Variants in SOX5 observed in about 807,000 individuals in gnomAD.
SOX5 encodes SRY-box transcription factor 5, also known as transcription factor SOX-5.
SOX5 carries 9 observed loss-of-function variants against 92.0 expected under a neutral mutation model. The observed-to-expected ratio is 0.10, with a 90% CI of 0.06 to 0.17. The LOEUF is 0.17. Among genes scored for constraint, SOX5 ranks in the 10% least tolerant of loss-of-function variants. The pLI, the probability that SOX5 is intolerant of heterozygous loss-of-function variation, is 1.00. For synonymous variants in SOX5, 344 were observed against 336.3 expected (o/e 1.02, Z -0.25); for missense variants, 642 against 944.5 (o/e 0.68, Z 4.20).
chr12:24,452,696 G>C lies in SOX5; in HGVS notation c.-250-84057C>G, dbSNP rs552672137. ...ATGGGTTAGAGGGCAAGAAAGCTTA[G>C]GGGGAGAGAAGAGAAAGGAAAAGAA... On this transcript the variant is annotated intron_variant, in intron 1 of 4. Coordinates refer to the SOX5 transcript ENST00000446891. Among the ~76,000 whole-genome samples, 5 of 152,296 alleles carry C rather than the reference G, an allele frequency of 3.3e-5. No individual in the cohort carries two copies. The East Asian group carries it at 9.6e-4, about 29-fold the overall frequency.
intron 13 of SOX5, 21 bp from the exon 14 acceptor site, chr12:23,536,690 G>A: frequency 6.3e-7 from 1 of 1,578,966 alleles, no homozygotes; most frequent in South Asian, 1.1e-5. Flanking sequence ...AGGAGGTTAG[G>A]ATTCCAATTT....
chr12:24,486,498 G>T (rs1946542924), intron 1 of SOX5, among the ~76,000 whole-genome samples: 1 of 152,150 alleles, frequency 6.6e-6, no homozygotes, highest in African/African-American at 2.4e-5. Flanking sequence ...GCATAAGAAA[G>T]AAATCTAGGT....
At chr12:24,246,366 T>C (rs1054842662) in intron 3 of SOX5, among the ~76,000 whole-genome samples, 1 of 152,052 alleles carries the variant, frequency 6.6e-6, no homozygotes, top group Non-Finnish European at 1.5e-5. Context: ...AAACCTAATG[T>C]TTCAAACTTA....
intron 1 of SOX5, among the ~76,000 whole-genome samples, chr12:23,916,640 C>T (rs989268506): frequency 1.1e-4 from 16 of 152,138 alleles, no homozygotes; most frequent in Non-Finnish European, 2.2e-4. Context: ...GAAATTTATA[C>T]TTCAATGTTA....
intron 4 of SOX5, among the ~76,000 whole-genome samples, chr12:24,195,136 T>TG (rs964302971): frequency 3.6e-4 from 39 of 109,588 alleles, no homozygotes; most frequent in Admixed American, 1.2e-3. Flanking sequence ...ATAAATTGTT[T>TG]GGGAAAAAAA....
At position 23,971,190 on chromosome 12, in the gene SOX5, T is replaced by A. The variant is rs546264771; in HGVS notation, c.-1-75166A>T. On this transcript the variant is annotated intron_variant, in intron 4 of 4. Transcript: ENST00000446891. ...CAGGCTGGAATGCAGTGGCGTGATC[T>A]CAGCTCACTGCAAGCTCCGCCTCCT... is the stretch of plus-strand genomic sequence containing the variant. Among the ~76,000 whole-genome samples the A allele has an allele frequency of 5.0e-4, 68 of 135,718 alleles. 1 individual carries two copies. The highest frequency in any genetic ancestry group is 1.8e-3 in the African/African-American group (65 of 35,324). 89.0% of individuals were successfully genotyped at this position (135,718 alleles called of 152,430 possible). A position where few individuals can be genotyped will look rare whatever the true frequency, so the allele number is the denominator to read the frequency against.
intron 1 of SOX5, among the ~76,000 whole-genome samples, chr12:23,905,087 C>T (rs906203728): frequency 1.3e-5 from 2 of 152,156 alleles, no homozygotes; most frequent in African/African-American, 4.8e-5. Flanking sequence ...GAAATAAATG[C>T]TTCTTTACTA....
intron 3 of SOX5, among the ~76,000 whole-genome samples, chr12:24,221,496 G>A (rs547696357): frequency 3.0e-4 from 46 of 152,320 alleles, no homozygotes; most frequent in Non-Finnish European, 4.9e-4. Context: ...AGTGTCTCTT[G>A]ACAAATCTAC....
chr12:24,065,645 C>CAAAAAAA (rs71445983), intron 4 of SOX5, among the ~76,000 whole-genome samples: 3 of 81,622 alleles, frequency 3.7e-5, no homozygotes, highest in African/African-American at 5.4e-5. Context: ...GACTCCATCT[C>CAAAAAAA]AAAAAAAAAA....
chr12:23,738,250 C>T (rs2093674154), intron 5 of SOX5: 1 of 152,234 alleles, frequency 6.6e-6, no homozygotes, highest in African/African-American at 2.4e-5. Context: ...GGACATTCTA[C>T]ACTCAGTAGG....
At chr12:24,183,783 G>A (rs568677725) in intron 4 of SOX5, among the ~76,000 whole-genome samples, 7 of 152,220 alleles carry the variant, frequency 4.6e-5, no homozygotes, top group East Asian at 1.9e-4. Context: ...GCCAAACTGC[G>A]AGGGTTTAGT....
intron 8 of SOX5, among the ~76,000 whole-genome samples, chr12:23,624,640 C>T (rs1049889353): frequency 2.6e-5 from 4 of 152,176 alleles, no homozygotes; most frequent in Non-Finnish European, 5.9e-5. Flanking sequence ...ACTGTCTTAT[C>T]AGCCAGGCTT....
chr12:23,953,946 A>G (rs963007959), upstream of SOX5, among the ~76,000 whole-genome samples: 1 of 152,052 alleles, frequency 6.6e-6, no homozygotes, highest in Non-Finnish European at 1.5e-5. Flanking sequence ...GGATTGACAC[A>G]GGCTAAGGAA....
intron 6 of SOX5, among the ~76,000 whole-genome samples, chr12:23,678,301 G>T (rs1220052162): frequency 2.6e-5 from 4 of 152,046 alleles, no homozygotes; most frequent in African/African-American, 9.7e-5. Context: ...AGCAAAGTAT[G>T]GCTAATTTTA....
At chr12:24,443,248 C>T (rs940420308) in intron 1 of SOX5, among the ~76,000 whole-genome samples, 1 of 152,130 alleles carries the variant, frequency 6.6e-6, no homozygotes, top group Non-Finnish European at 1.5e-5. Flanking sequence ...CCACCACGCC[C>T]GGCCAGTTTA....
intron 3 of SOX5, among the ~76,000 whole-genome samples, chr12:24,216,129 A>C (rs1320545645): frequency 6.6e-6 from 1 of 152,226 alleles, no homozygotes; most frequent in Non-Finnish European, 1.5e-5. Context: ...TGTTATGCTA[A>C]TGAGGTGGCA....
intron 4 of SOX5, among the ~76,000 whole-genome samples, chr12:24,093,451 A>T (rs1359214260): frequency 1.3e-5 from 2 of 150,990 alleles, no homozygotes; most frequent in Non-Finnish European, 2.9e-5. Context: ...TGAACCCAGG[A>T]GGTGGAGCTT....
chr12:24,517,104 A>T (rs1372026724), intron 1 of SOX5, among the ~76,000 whole-genome samples: 1 of 152,134 alleles, frequency 6.6e-6, no homozygotes, highest in African/African-American at 2.4e-5. Context: ...ACACTTAGCA[A>T]TTTAAATTAT....
intron 1 of SOX5, among the ~76,000 whole-genome samples, chr12:24,475,127 C>T (rs1220882028): frequency 6.6e-6 from 1 of 152,204 alleles, no homozygotes; most frequent in Non-Finnish European, 1.5e-5. Flanking sequence ...CCCTGAGCCA[C>T]TGCGCCCAGC....
Sources: allele counts gnomAD v4.1 joint callset (sites outside exome capture counted in the v4.1 genomes callset), GRCh38; gene constraint gnomAD v4.1.1; transcripts MANE v1.5; gene names NCBI Gene and HGNC (gene_info 2026-07-23, HGNC 2026-07-21).